The following PRKAG2 variants were observed in gnomAD, a reference collection of about 807,000 sequenced individuals.
PRKAG2 encodes protein kinase AMP-activated non-catalytic subunit gamma 2.
A neutral mutation model predicts 69.6 loss-of-function variants in PRKAG2; 26 were observed. That is an observed-to-expected ratio of 0.37 (90% CI 0.27 to 0.52). PRKAG2 has a LOEUF of 0.52. Among genes scored for constraint, PRKAG2 ranks in the 20% least tolerant of loss-of-function variants. PRKAG2 has a pLI of 0.90. For missense variants in PRKAG2, 557 were observed against 740.0 expected (o/e 0.75, Z 2.87); for synonymous variants, 293 against 285.0 (o/e 1.03, Z -0.28).
chr7:151,734,656 C>A (rs1799474051), intron 3 of PRKAG2, among the ~76,000 whole-genome samples: 1 of 152,076 alleles, frequency 6.6e-6, no homozygotes, highest in Admixed American at 6.6e-5. Flanking sequence ...CTCAAGGGAG[C>A]CTCCCATCTC....
At chr7:151,566,926 T>C (rs1361000281) in intron 11 of PRKAG2, among the ~76,000 whole-genome samples, 2 of 152,222 alleles carry the variant, frequency 1.3e-5, no homozygotes. Context: ...TAGCTGAATA[T>C]TCTGGTAGCA....
intron 1 of PRKAG2, among the ~76,000 whole-genome samples, chr7:151,791,842 A>G (rs1041984212): frequency 5.3e-5 from 8 of 152,272 alleles, no homozygotes; most frequent in African/African-American, 1.9e-4. Flanking sequence ...ATCTGACATT[A>G]GTATGTCCTT....
chr7:151,749,210 C>A (rs1037784014), intron 3 of PRKAG2, among the ~76,000 whole-genome samples: 2 of 152,214 alleles, frequency 1.3e-5, no homozygotes, highest in Non-Finnish European at 2.9e-5. Context: ...TTTTCTCTCT[C>A]CTCACTAGAA....
intron 6 of PRKAG2, among the ~76,000 whole-genome samples, chr7:151,582,355 G>C (rs898206218): frequency 2.6e-5 from 4 of 152,060 alleles, no homozygotes; most frequent in African/African-American, 4.8e-5. Context: ...GTCCGGTTAT[G>C]TTGCCCATGC....
chr7:151,624,090 A>G (rs747111795), intron 5 of PRKAG2, among the ~76,000 whole-genome samples: 13 of 152,096 alleles, frequency 8.5e-5, no homozygotes, highest in Non-Finnish European at 1.6e-4. Flanking sequence ...TTGATGTTAT[A>G]TAAATTCAGA....
intron 3 of PRKAG2, among the ~76,000 whole-genome samples, chr7:151,700,528 T>C (rs1019873884): frequency 1.3e-5 from 2 of 152,156 alleles, no homozygotes; most frequent in African/African-American, 2.4e-5. Flanking sequence ...TGTGAATCTG[T>C]GGATTTCTGA....
chr7:151,832,456 G>T (rs1030815232), intron 1 of PRKAG2, among the ~76,000 whole-genome samples: 5 of 152,108 alleles, frequency 3.3e-5, no homozygotes, highest in Non-Finnish European at 5.9e-5. Context: ...CCCACTGTGG[G>T]AGGCGTGGGA....
intron 3 of PRKAG2, among the ~76,000 whole-genome samples, chr7:151,768,880 T>G: frequency 6.6e-6 from 1 of 152,224 alleles, no homozygotes; most frequent in Non-Finnish European, 1.5e-5. Context: ...GCCTTGCTCT[T>G]TCTTCCCATC....
At chr7:151,697,611 C>A (rs1836907211) in intron 3 of PRKAG2, among the ~76,000 whole-genome samples, 1 of 152,162 alleles carries the variant, frequency 6.6e-6, no homozygotes, top group South Asian at 2.1e-4. Context: ...TGCCTCCAAT[C>A]CACTGTGGAC....
At chr7:151,600,605 C>T (rs753001358) in intron 5 of PRKAG2, among the ~76,000 whole-genome samples, 7 of 152,214 alleles carry the variant, frequency 4.6e-5, no homozygotes, top group African/African-American at 9.6e-5. Context: ...AAATTCCAGA[C>T]GTCTCCTGTC....
At chr7:151,692,803 G>A (rs565893455) in intron 3 of PRKAG2, among the ~76,000 whole-genome samples, 1 of 152,244 alleles carries the variant, frequency 6.6e-6, no homozygotes, top group East Asian at 1.9e-4. Context: ...AAAAATAGCA[G>A]CTGAATTCCC....
At chr7:151,793,561 G>A (rs1202187700) in intron 1 of PRKAG2, among the ~76,000 whole-genome samples, 1 of 152,112 alleles carries the variant, frequency 6.6e-6, no homozygotes, top group Non-Finnish European at 1.5e-5. Flanking sequence ...GTTCCCACCT[G>A]GACCCCGTCC....
rs538679419 is a variant in PRKAG2, at chr7:151,840,061, T to C, written c.114+36446A>G. On this transcript the variant is annotated intron_variant, in intron 1 of 15. Coordinates refer to ENST00000287878, the MANE Select transcript of PRKAG2 (RefSeq NM_016203.4). ...ACTGAAAGAGGAGTGACTGTATTTG[T>C]ACCCTGAGTGTGTGCGCCAGTCCTT... is the stretch of plus-strand genomic sequence containing the variant. Among the ~76,000 whole-genome samples, 4 of 152,348 alleles carry C rather than the reference T, an allele frequency of 2.6e-5. 1 individual carries two copies. In the South Asian group the frequency reaches 6.2e-4, roughly 24 times the overall value.
At chr7:151,617,436 T>C (rs1228472210) in intron 5 of PRKAG2, among the ~76,000 whole-genome samples, 1 of 152,108 alleles carries the variant, frequency 6.6e-6, no homozygotes, top group Non-Finnish European at 1.5e-5. Flanking sequence ...CAGGAATTGA[T>C]GCATTGAAGG....
At chr7:151,596,402 T>G (rs967038353) in intron 5 of PRKAG2, among the ~76,000 whole-genome samples, 3 of 152,216 alleles carry the variant, frequency 2.0e-5, no homozygotes, top group African/African-American at 7.2e-5. Context: ...AGGAATTAAT[T>G]TAACTCAGGA....
intron 1 of PRKAG2, among the ~76,000 whole-genome samples, chr7:151,800,644 T>C (rs1003730227): frequency 1.3e-5 from 2 of 151,712 alleles, no homozygotes; most frequent in Non-Finnish European, 2.9e-5. Flanking sequence ...CACCAAAGGA[T>C]GTGATGGCAG....
chr7:151,616,077 T>G (rs1409632497), intron 5 of PRKAG2, among the ~76,000 whole-genome samples: 1 of 152,130 alleles, frequency 6.6e-6, no homozygotes, highest in Non-Finnish European at 1.5e-5. Context: ...GCAAGCAAAT[T>G]TTGCCACTGG....
intron 1 of PRKAG2, among the ~76,000 whole-genome samples, chr7:151,872,135 C>T (rs1308267769): frequency 6.6e-6 from 1 of 152,194 alleles, no homozygotes; most frequent in Non-Finnish European, 1.5e-5. Context: ...TCATTTCCCC[C>T]AAGAACCGGC....
At chr7:151,819,267 T>A (rs1299462521) in intron 1 of PRKAG2, among the ~76,000 whole-genome samples, 1 of 152,218 alleles carries the variant, frequency 6.6e-6, no homozygotes, top group Non-Finnish European at 1.5e-5. Flanking sequence ...TCGGAGTGCA[T>A]CTGCCAGAGG....
Sources: allele counts gnomAD v4.1 joint callset (sites outside exome capture counted in the v4.1 genomes callset), GRCh38; gene constraint gnomAD v4.1.1; transcripts MANE v1.5; gene names NCBI Gene and HGNC (gene_info 2026-07-23, HGNC 2026-07-21).